Variants in GPC6 observed in about 807,000 individuals in gnomAD.
The protein encoded by GPC6 is glypican 6, also known as glypican-6.
GPC6 carries 14 observed loss-of-function variants against 55.2 expected under a neutral mutation model. The observed-to-expected ratio is 0.25, with a 90% CI of 0.17 to 0.40. GPC6 has a LOEUF of 0.40. Ranked by LOEUF, GPC6 falls within the 10% of genes least tolerant of loss-of-function variation. The pLI is 1.00. For synonymous variants in GPC6, 278 were observed against 259.6 expected, an observed-to-expected ratio of 1.07 and a Z score of -0.68; for missense variants, 641 against 708.5, an observed-to-expected ratio of 0.90 and a Z score of 1.08.
the GPC6 span, among the ~76,000 whole-genome samples, chr13:93,219,051 TC>T: frequency 5.9e-5 from 7 of 117,918 alleles, no homozygotes; most frequent in Admixed American, 4.4e-4. Context: ...ATTAATATCA[TC>T]AACCTGGCTG....
intron 1 of GPC6, among the ~76,000 whole-genome samples, chr13:93,440,105 C>T (rs1373013991): frequency 6.6e-6 from 1 of 152,180 alleles, no homozygotes; most frequent in Non-Finnish European, 1.5e-5. Context: ...ATAATTTAGA[C>T]TGTAATTTTA....
chr13:93,415,266 G>C (rs957458135), intron 1 of GPC6, among the ~76,000 whole-genome samples: 1 of 151,926 alleles, frequency 6.6e-6, no homozygotes, highest in Non-Finnish European at 1.5e-5. Flanking sequence ...CTGGAACATA[G>C]GACATAAATA....
intron 6 of GPC6, among the ~76,000 whole-genome samples, chr13:94,373,214 G>C (rs1879669962): frequency 6.6e-6 from 1 of 152,114 alleles, no homozygotes; most frequent in South Asian, 2.1e-4. Context: ...GCTGGATGGA[G>C]AATGACTTTG....
chr13:93,928,899 A>G (rs1878006150), intron 3 of GPC6, among the ~76,000 whole-genome samples: 1 of 141,958 alleles, frequency 7.0e-6, no homozygotes, highest in African/African-American at 2.6e-5. Flanking sequence ...ACACATCTAT[A>G]TAGTAGGTGT....
chr13:94,106,244 C>G (rs1022236343), intron 4 of GPC6, among the ~76,000 whole-genome samples: 1 of 152,174 alleles, frequency 6.6e-6, no homozygotes, highest in African/African-American at 2.4e-5. Flanking sequence ...TCAATACTGC[C>G]AAGTGTGAGA....
intron 2 of GPC6, among the ~76,000 whole-genome samples, chr13:93,646,134 A>G (rs942979272): frequency 6.6e-6 from 1 of 152,194 alleles, no homozygotes; most frequent in South Asian, 2.1e-4. Context: ...AAAGAAGGCC[A>G]AATTATAAAC....
At chr13:93,572,352 G>A (rs1340479762) in intron 2 of GPC6, among the ~76,000 whole-genome samples, 2 of 152,052 alleles carry the variant, frequency 1.3e-5, no homozygotes, top group Non-Finnish European at 2.9e-5. Flanking sequence ...GGGACGCTTG[G>A]GGATAAAATG....
chr13:93,516,818 A>C (rs115052006), intron 1 of GPC6, among the ~76,000 whole-genome samples: 1 of 151,848 alleles, frequency 6.6e-6, no homozygotes, highest in African/African-American at 2.4e-5. Flanking sequence ...TTTTTAAACT[A>C]TAAAATCACC....
chr13:93,427,216 C>T (rs1354787192), intron 1 of GPC6, among the ~76,000 whole-genome samples: 1 of 152,048 alleles, frequency 6.6e-6, no homozygotes, highest in African/African-American at 2.4e-5. Context: ...CATCAAGCTA[C>T]CAATGACTTT....
intron 3 of GPC6, among the ~76,000 whole-genome samples, chr13:93,877,193 CATTT>C (rs1204873374): frequency 6.6e-6 from 1 of 151,974 alleles, no homozygotes; most frequent in Non-Finnish European, 1.5e-5. Context: ...CTGACTGACA[CATTT>C]AATTAGAGGA....
At chr13:93,542,337 T>TA (rs1379030491) in intron 1 of GPC6, among the ~76,000 whole-genome samples, 1 of 152,204 alleles carries the variant, frequency 6.6e-6, no homozygotes, top group Non-Finnish European at 1.5e-5. Context: ...TAGTTGTAGA[T>TA]ATGCGGCATT....
intron 2 of GPC6, among the ~76,000 whole-genome samples, chr13:93,754,929 G>A (rs958319502): frequency 1.3e-5 from 2 of 152,120 alleles, no homozygotes; most frequent in Admixed American, 1.3e-4. Context: ...CCAAGGGGCT[G>A]AGTTAAAATT....
At chr13:93,537,550 G>T (rs1475754138) in intron 1 of GPC6, among the ~76,000 whole-genome samples, 1 of 102,912 alleles carries the variant, frequency 9.7e-6, no homozygotes, top group Non-Finnish European at 1.9e-5. Context: ...GTGTTTACAC[G>T]TGGAGCTTTT....
At chr13:93,384,194 C>T (rs530991737) in intron 1 of GPC6, among the ~76,000 whole-genome samples, 14 of 152,048 alleles carry the variant, frequency 9.2e-5, no homozygotes, top group South Asian at 2.1e-4. Flanking sequence ...AAAATATTTA[C>T]GATTGATATT....
At chr13:93,570,850 C>A (rs1476506538) in intron 2 of GPC6, among the ~76,000 whole-genome samples, 4 of 152,000 alleles carry the variant, frequency 2.6e-5, no homozygotes, top group African/African-American at 7.2e-5. Context: ...CACAAAAATC[C>A]AATCTCTAAT....
chr13:93,343,754 C>T (rs1412120169), intron 1 of GPC6, among the ~76,000 whole-genome samples: 1 of 152,166 alleles, frequency 6.6e-6, no homozygotes, highest in Admixed American at 6.5e-5. Flanking sequence ...GTTTCTTTAA[C>T]ACATCCTTAT....
At chr13:94,190,036 T>G (rs1268512313) in intron 4 of GPC6, among the ~76,000 whole-genome samples, 2 of 144,386 alleles carry the variant, frequency 1.4e-5, no homozygotes, top group Non-Finnish European at 1.5e-5. Context: ...AAAAAAAAAG[T>G]ATGCAGGCCA....
At chr13:94,090,993 G>A (rs7993760) in intron 4 of GPC6, among the ~76,000 whole-genome samples, 120,583 of 152,090 alleles carry the variant, frequency 0.79, 48,142 homozygotes, top group South Asian at 0.88. Flanking sequence ...GAGATTCTCC[G>A]CATTTTAGAG....
chr13:93,452,413 C>A (rs1412371626), intron 1 of GPC6, among the ~76,000 whole-genome samples: 1 of 152,094 alleles, frequency 6.6e-6, no homozygotes, highest in South Asian at 2.1e-4. Flanking sequence ...TAAGCATTAC[C>A]CTTTGATTTG....
Sources: gnomAD v4.1 joint callset for allele counts (sites outside exome capture counted in the v4.1 genomes callset) on GRCh38, gnomAD v4.1.1 for gene constraint, MANE v1.5 for transcripts, NCBI Gene and HGNC (gene_info 2026-07-23, HGNC 2026-07-21) for gene names.